Variants in THSD4 observed in about 807,000 individuals in gnomAD.
THSD4 encodes thrombospondin type 1 domain containing 4.
In THSD4, 69 loss-of-function variants were observed where a neutral mutation model predicts 119.0. That is an observed-to-expected ratio of 0.58 (90% CI 0.48 to 0.71). The LOEUF (loss-of-function observed/expected upper bound fraction) is 0.71. THSD4 is among the 30% of genes least tolerant of loss of function. THSD4 has a pLI of 0.00. For synonymous variants in THSD4, 524 were observed against 540.4 expected (o/e 0.97, Z 0.42); for missense variants, 1,393 against 1,391.1 (o/e 1.00, Z -0.02).
Position 71,411,750 on chromosome 15 carries a change from A to G in THSD4, c.1079A>G (p.Gln360Arg). ...QAMGYRFYVR[Q>R]AEKVIDGTPC... The stretch of plus-strand genomic sequence containing the variant: ...ATGGGCTACCGCTTCTATGTACGGC[A>G]AGCTGAGAAAGTCATCGATGGCACC... The change falls in exon 7 of 18, where the codon CAA becomes CGA. Residue 360 changes from glutamine to arginine, a missense_variant. By Grantham distance (43) the Gln-to-Arg change is conservative. Transcript: ENST00000261862. 6.2e-7 allele frequency: 1 copy of G among 1,614,154 alleles called. No individual in the cohort carries two copies.
chr15:71,720,493 G>A (rs935106346), intron 8 of THSD4, among the ~76,000 whole-genome samples: 6 of 152,094 alleles, frequency 3.9e-5, no homozygotes, highest in Non-Finnish European at 7.4e-5. Context: ...TATGATTTCC[G>A]TTGGTGATAG....
chr15:71,600,212 A>C (rs1045476630), intron 7 of THSD4, among the ~76,000 whole-genome samples: 1 of 145,210 alleles, frequency 6.9e-6, no homozygotes, highest in Non-Finnish European at 1.6e-5. Flanking sequence ...TCTGTATTTC[A>C]AAGTCTTGCT....
intron 7 of THSD4, among the ~76,000 whole-genome samples, chr15:71,441,557 G>A (rs1364798232): frequency 6.6e-6 from 1 of 150,406 alleles, no homozygotes; most frequent in Non-Finnish European, 1.5e-5. Flanking sequence ...CACCACACCA[G>A]CTAATTTTTG....
chr15:71,459,163 T>C (rs1194128157), intron 7 of THSD4, among the ~76,000 whole-genome samples: 1 of 105,090 alleles, frequency 9.5e-6, no homozygotes, highest in Non-Finnish European at 2.3e-5. Context: ...TTTTTTTCTT[T>C]TTTTTTTTTT....
rs2049830033 is a variant in THSD4 at position 71,592,680 on chromosome 15, G to A, written c.1153-67850G>A. On this transcript the variant is annotated intron_variant, in intron 7 of 17. Transcript: ENST00000261862. ...CACCATTTACAGAATGCATTTTGTGGGAAAACACGTTCATAGTTCAGCTTT... is the reference window on the plus strand; with the variant it reads ...CACCATTTACAGAATGCATTTTGTGAGAAAACACGTTCATAGTTCAGCTTT... 2.6e-5 allele frequency among the ~76,000 whole-genome samples: 4 copies of A among 152,112 alleles called. No homozygotes were observed. In the South Asian group the frequency reaches 8.3e-4, roughly 32 times the overall value.
intron 1 of THSD4, among the ~76,000 whole-genome samples, chr15:71,100,652 T>C (rs117985982): frequency 0.015 from 2,209 of 152,292 alleles, 30 homozygotes; most frequent in Middle Eastern, 0.048. Flanking sequence ...CTAATATTTA[T>C]ATCATTTATG....
chr15:71,765,809 T>C (rs773451191), intron 16 of THSD4, among the ~76,000 whole-genome samples: 7 of 151,990 alleles, frequency 4.6e-5, no homozygotes, highest in Non-Finnish European at 7.4e-5. Context: ...TGTGTGTGTG[T>C]GTGTGTGTGT....
intron 7 of THSD4, among the ~76,000 whole-genome samples, chr15:71,527,227 C>G (rs2048535271): frequency 6.6e-6 from 1 of 152,238 alleles, no homozygotes; most frequent in Non-Finnish European, 1.5e-5. Flanking sequence ...TGATCTTGAA[C>G]TTCCAGCCTC....
intron 6 of THSD4, among the ~76,000 whole-genome samples, chr15:71,410,063 G>A (rs754297385): frequency 2.0e-5 from 3 of 152,116 alleles, no homozygotes; most frequent in Non-Finnish European, 4.4e-5. Flanking sequence ...CACCCTCTGT[G>A]TGCCAGGCTT....
Position 71,777,554 on chromosome 15 carries a change from T to G in THSD4, c.*180T>G, listed in dbSNP as rs538755129. ...GTACCCAGGGGCTTTTTACACAAGATGTTTGAAAGCCACAGTCAGTCCTTT... is the reference window on the plus strand; with the variant it reads ...GTACCCAGGGGCTTTTTACACAAGAGGTTTGAAAGCCACAGTCAGTCCTTT... On this transcript the variant is annotated 3_prime_UTR_variant, in exon 18 of 18. Coordinates refer to ENST00000261862, the MANE Select transcript of THSD4 (RefSeq NM_024817.3). The G allele has an allele frequency of 2.6e-6, 2 of 763,340 alleles. No individual in the cohort carries two copies. Among genetic ancestry groups the G allele is most frequent in the East Asian group, 5.4e-5 (2 of 36,970 alleles). 47.3% of individuals were successfully genotyped at this position (763,340 alleles called of 1,614,324 possible).
chr15:71,393,038 G>A (rs530627045), intron 6 of THSD4, among the ~76,000 whole-genome samples: 1 of 152,258 alleles, frequency 6.6e-6, no homozygotes, highest in East Asian at 1.9e-4. Context: ...TCAAATCCTT[G>A]TTTGTCTTTG....
At chr15:71,133,007 A>G (rs1025653978) in intron 1 of THSD4, among the ~76,000 whole-genome samples, 1 of 152,220 alleles carries the variant, frequency 6.6e-6, no homozygotes, top group Non-Finnish European at 1.5e-5. Context: ...ATGGGTCATC[A>G]TCTCGGAGAA....
At position 71,464,879 on chromosome 15, in the gene THSD4, A is replaced by C. The variant is rs528560127; in HGVS notation, c.1152+53056A>C. 5.9e-5 allele frequency among the ~76,000 whole-genome samples: 9 copies of C among 152,270 alleles called. No homozygotes were observed. The South Asian group carries it at 1.0e-3, about 18-fold the overall frequency. On this transcript the variant is annotated intron_variant, in intron 7 of 17. Transcript: ENST00000261862. Reference sequence around the variant, plus strand: ...TTCCATTAGAGTAAGACATGAAAACACTACCCCCTCCCCCTTAAGTCCTCA... The same window carrying C: ...TTCCATTAGAGTAAGACATGAAAACCCTACCCCCTCCCCCTTAAGTCCTCA...
At chr15:71,625,067 G>A (rs2050483507) in intron 7 of THSD4, among the ~76,000 whole-genome samples, 1 of 152,034 alleles carries the variant, frequency 6.6e-6, no homozygotes, top group Non-Finnish European at 1.5e-5. Context: ...GAGTACAGTG[G>A]TGCCATCTTA....
intron 3 of THSD4, among the ~76,000 whole-genome samples, chr15:71,205,785 T>C (rs1179556965): frequency 1.3e-5 from 2 of 152,092 alleles, no homozygotes; most frequent in East Asian, 3.9e-4. Context: ...TTGATCAAGA[T>C]GTAACATTAA....
At chr15:71,415,345 T>C (rs2046744449) in intron 7 of THSD4, among the ~76,000 whole-genome samples, 1 of 152,260 alleles carries the variant, frequency 6.6e-6, no homozygotes, top group Admixed American at 6.5e-5. Context: ...TTAAAGCCTA[T>C]GTTTATCCAG....
rs2043752309 is a variant in THSD4 at position 71,199,498 on chromosome 15, GT to G, written c.100-15536del. ...GGTGTGTGTGTGTGGGGTGTGTGTG[GT>G]GTGTGTGTGTGTGTGGGGTGTGTGT... On this transcript the variant is annotated intron_variant, in intron 3 of 17. Coordinates refer to ENST00000261862, the MANE Select transcript of THSD4 (RefSeq NM_024817.3). 6.7e-5 allele frequency among the ~76,000 whole-genome samples: 9 copies of G among 134,940 alleles called. No homozygotes were observed. In the South Asian group the frequency reaches 1.9e-3, roughly 29 times the overall value. 88.5% of individuals were successfully genotyped at this position (134,940 alleles called of 152,430 possible).
intron 3 of THSD4, among the ~76,000 whole-genome samples, chr15:71,189,601 T>C (rs911884683): frequency 6.7e-6 from 1 of 149,328 alleles, no homozygotes. Flanking sequence ...ACCCGGGAGG[T>C]GGAGCTTACA....
intron 6 of THSD4, among the ~76,000 whole-genome samples, chr15:71,357,160 C>T (rs754581882): frequency 2.0e-5 from 3 of 152,208 alleles, no homozygotes; most frequent in Non-Finnish European, 4.4e-5. Flanking sequence ...AAAGGAATGT[C>T]CTTCTGCCTC....
Sources: allele counts gnomAD v4.1 joint callset (sites outside exome capture counted in the v4.1 genomes callset), GRCh38; gene constraint gnomAD v4.1.1; transcripts MANE v1.5; gene names NCBI Gene and HGNC (gene_info 2026-07-23, HGNC 2026-07-21).